The following SUPT3H variants were observed in gnomAD, a reference collection of about 807,000 sequenced individuals.
The protein encoded by SUPT3H is SPT3 homolog, SAGA and STAGA complex component, also known as transcription initiation protein SPT3 homolog.
In SUPT3H, 44 loss-of-function variants were observed where a neutral mutation model predicts 44.3. The ratio of observed to expected loss-of-function variants is 0.99; its 90% CI spans 0.78 to 1.28. The LOEUF (loss-of-function observed/expected upper bound fraction) is 1.28. Ranked by LOEUF, SUPT3H falls within the 50% of genes most tolerant of loss-of-function variation. SUPT3H has a pLI of 0.00. For synonymous variants in SUPT3H, 124 were observed against 125.6 expected (o/e 0.99, Z 0.09); for missense variants, 380 against 387.1 (o/e 0.98, Z 0.15).
At chr6:45,217,497 A>C (rs972906432) in intron 2 of SUPT3H, among the ~76,000 whole-genome samples, 1 of 152,000 alleles carries the variant, frequency 6.6e-6, no homozygotes, top group African/African-American at 2.4e-5. Context: ...AAATAAAATA[A>C]AATATAAAAT....
At position 45,003,287 on chromosome 6, in the gene SUPT3H, G is replaced by A. The variant is rs141351875; in HGVS notation, c.504+366C>T. 1.9e-3 allele frequency among the ~76,000 whole-genome samples: 292 copies of A among 152,222 alleles called. 2 individuals carry two copies. The highest frequency in any genetic ancestry group is 5.9e-3 in the Admixed American group (90 of 15,272). ...TCACACTATATATGCCAACATAAAA[G>A]CAGTAAGAATTAGTTTTGTTTACAA... On this transcript the variant is annotated intron_variant, in intron 6 of 10. Transcript: ENST00000371459.
intron 2 of SUPT3H, among the ~76,000 whole-genome samples, chr6:45,162,231 G>T (rs1437814038): frequency 6.6e-6 from 1 of 151,920 alleles, no homozygotes; most frequent in Non-Finnish European, 1.5e-5. Flanking sequence ...AAAAAAAGAA[G>T]AAGAAGAAGA....
intron 2 of SUPT3H, among the ~76,000 whole-genome samples, chr6:45,168,022 G>A (rs1239286882): frequency 6.6e-6 from 1 of 151,530 alleles, no homozygotes; most frequent in Non-Finnish European, 1.5e-5. Context: ...TGTTGGTCAG[G>A]CTGGTCTCGA....
intron 2 of SUPT3H, among the ~76,000 whole-genome samples, chr6:45,188,576 T>G (rs1399343396): frequency 6.6e-6 from 1 of 152,168 alleles, no homozygotes; most frequent in African/African-American, 2.4e-5. Context: ...GACTACTGTG[T>G]CTAACAATAA....
intron 3 of SUPT3H, among the ~76,000 whole-genome samples, chr6:45,057,286 T>C (rs1363888262): frequency 6.6e-6 from 1 of 152,166 alleles, no homozygotes; most frequent in Non-Finnish European, 1.5e-5. Context: ...CCATATTTTA[T>C]AATTTGAAGA....
rs540518478 is a variant in SUPT3H at position 45,019,509 on chromosome 6, C to T, written c.273+1037G>A. Among the ~76,000 whole-genome samples the T allele has an allele frequency of 2.0e-3, 306 of 152,122 alleles. 1 individual carries two copies. The highest frequency in any genetic ancestry group is 6.7e-3 in the African/African-American group (279 of 41,526). On this transcript the variant is annotated intron_variant, in intron 4 of 10. Transcript: ENST00000371459. ...TTAGATTTATTAGACCGTAATGCTG[C>T]TTAATTTTTAAAGTAACTGATAATC...
chr6:44,932,520 C>T, intron 10 of SUPT3H, 133 bp downstream of exon 10: 1 of 555,980 alleles, frequency 1.8e-6, no homozygotes, highest in Non-Finnish European at 3.0e-6. Context: ...AGAATTATGC[C>T]ACTTTTATAC....
chr6:45,069,848 T>G (rs1186074206), intron 3 of SUPT3H, among the ~76,000 whole-genome samples: 1 of 137,832 alleles, frequency 7.3e-6, no homozygotes. Flanking sequence ...TCAGATAACT[T>G]CCATGACACA....
chr6:45,223,295 G>A (rs1460011863), intron 2 of SUPT3H, among the ~76,000 whole-genome samples: 1 of 151,926 alleles, frequency 6.6e-6, no homozygotes, highest in Non-Finnish European at 1.5e-5. Context: ...TTACCATTGG[G>A]GGTAACTAGA....
At chr6:45,110,610 C>A (rs191992166) in intron 2 of SUPT3H, among the ~76,000 whole-genome samples, 201 of 151,820 alleles carry the variant, frequency 1.3e-3, no homozygotes, top group African/African-American at 4.6e-3. Flanking sequence ...AATGAAGGAG[C>A]TTTACTATCT....
chr6:44,976,171 A>T (rs542944857), intron 6 of SUPT3H, among the ~76,000 whole-genome samples: 20 of 152,156 alleles, frequency 1.3e-4, no homozygotes, highest in African/African-American at 3.9e-4. Context: ...AAGGAAGAAA[A>T]TTTTTTTCCT....
intron 6 of SUPT3H, among the ~76,000 whole-genome samples, chr6:44,968,351 A>G (rs1475643455): frequency 6.6e-6 from 1 of 152,202 alleles, no homozygotes; most frequent in Non-Finnish European, 1.5e-5. Flanking sequence ...CCACTTGCAG[A>G]AGGATAATAT....
chr6:45,176,438 T>A (rs1162991704), intron 2 of SUPT3H, among the ~76,000 whole-genome samples: 1 of 151,898 alleles, frequency 6.6e-6, no homozygotes, highest in Admixed American at 6.6e-5. Context: ...CCACGGAGTC[T>A]CCCTGATTGC....
At chr6:45,075,808 A>G (rs1794936367) in intron 3 of SUPT3H, among the ~76,000 whole-genome samples, 1 of 322 alleles carries the variant, frequency 3.1e-3, no homozygotes, top group South Asian at 0.071. Flanking sequence ...AATTAAGGGA[A>G]AAAAAAAGAA....
chr6:44,942,155 A>G (rs550137880), intron 9 of SUPT3H, among the ~76,000 whole-genome samples: 88 of 152,344 alleles, frequency 5.8e-4, no homozygotes, highest in Non-Finnish European at 9.8e-4. Context: ...CACTAGGTTA[A>G]TTACAACTCC....
intron 2 of SUPT3H, among the ~76,000 whole-genome samples, chr6:45,123,231 TACATACC>T: frequency 6.6e-6 from 1 of 152,232 alleles, no homozygotes; most frequent in African/African-American, 2.4e-5. Context: ...CCAAAATTAG[TACATACC>T]ACACTGGTAA....
intron 2 of SUPT3H, among the ~76,000 whole-genome samples, chr6:45,129,067 A>G (rs1244388157): frequency 6.6e-6 from 1 of 152,222 alleles, no homozygotes; most frequent in Non-Finnish European, 1.5e-5. Flanking sequence ...AAAAGCTTTT[A>G]AAAAAGAAAA....
At chr6:45,286,905 T>C (rs1779387095) in intron 2 of SUPT3H, among the ~76,000 whole-genome samples, 2 of 152,146 alleles carry the variant, frequency 1.3e-5, no homozygotes, top group Admixed American at 6.6e-5. Flanking sequence ...TGGAATACTA[T>C]GCAGCCCTAA....
At chr6:45,361,618 T>C (rs1213831668) in intron 2 of SUPT3H, 1 of 152,194 alleles carries the variant, frequency 6.6e-6, no homozygotes, top group East Asian at 1.9e-4. Context: ...CTCTGGACCA[T>C]TCCAGTACAG....
Sources: allele counts gnomAD v4.1 joint callset (sites outside exome capture counted in the v4.1 genomes callset), GRCh38; gene constraint gnomAD v4.1.1; transcripts MANE v1.5; gene names NCBI Gene and HGNC (gene_info 2026-07-23, HGNC 2026-07-21).